Variants in LRP8 observed in about 807,000 individuals in gnomAD.
The protein encoded by LRP8 is LDL receptor related protein 8, also known as low-density lipoprotein receptor-related protein 8.
LRP8 carries 46 observed loss-of-function variants against 111.6 expected under a neutral mutation model. The observed-to-expected ratio is 0.41, with a 90% CI of 0.33 to 0.53. The LOEUF is 0.53. Among genes scored for constraint, LRP8 ranks in the 20% least tolerant of loss-of-function variants. The pLI is 0.20. For missense variants in LRP8, 959 were observed against 1,297.4 expected (o/e 0.74, Z 4.01); for synonymous variants, 464 against 511.2 (o/e 0.91, Z 1.24).
chr1:53,297,182 T>C (rs1248015837), intron 2 of LRP8, among the ~76,000 whole-genome samples: 2 of 152,166 alleles, frequency 1.3e-5, no homozygotes, highest in Non-Finnish European at 2.9e-5. Flanking sequence ...CTTCTGACAC[T>C]CTAGGGACCT....
At chr1:53,280,095 C>T (rs1021764912) in intron 4 of LRP8, among the ~76,000 whole-genome samples, 11 of 152,344 alleles carry the variant, frequency 7.2e-5, no homozygotes, top group East Asian at 5.8e-4. Context: ...ATTTCAGCAA[C>T]AGTCGTCCTT....
rs185224959 is a variant in LRP8, at chr1:53,294,609, G to A, written c.245-4920C>T. Among the ~76,000 whole-genome samples, 1 of 152,330 alleles carries A rather than the reference G, an allele frequency of 6.6e-6. No individual in the cohort carries two copies. Among genetic ancestry groups the A allele is most frequent in the Admixed American group, 6.5e-5 (1 of 15,302 alleles). The stretch of plus-strand genomic sequence containing the variant: ...AGAAGCAAAAAGGTGCAAGTTAGAG[G>A]TGTGTGAAGTCACAGCCCTGGCCCC... On this transcript the variant is annotated intron_variant, in intron 2 of 18. Coordinates refer to ENST00000306052, the MANE Select transcript of LRP8 (RefSeq NM_004631.5). The surrounding 1 kb of genome is among the most constrained non-coding windows in gnomAD (Gnocchi z 4.1).
chr1:53,325,004 A>G (rs1654961517), intron 2 of LRP8, among the ~76,000 whole-genome samples: 1 of 152,254 alleles, frequency 6.6e-6, no homozygotes, highest in Non-Finnish European at 1.5e-5. Context: ...TTTCACAGCC[A>G]TCCTCACAAG....
chr1:53,318,708 A>G (rs1489372064), intron 2 of LRP8, among the ~76,000 whole-genome samples: 1 of 152,204 alleles, frequency 6.6e-6, no homozygotes, highest in Non-Finnish European at 1.5e-5. Flanking sequence ...TAGCCCTTTA[A>G]AACAAGGATG....
chr1:53,252,299 GC>G (rs1182505524), intron 16 of LRP8, among the ~76,000 whole-genome samples: 1 of 152,140 alleles, frequency 6.6e-6, no homozygotes, highest in African/African-American at 2.4e-5. Flanking sequence ...GGAGGCTGAG[GC>G]AGGAGGATTG....
intron 6 of LRP8, chr1:53,272,695 C>T (rs955876830): frequency 2.3e-6 from 3 of 1,287,276 alleles, no homozygotes; most frequent in South Asian, 1.2e-5. Context: ...AGGGATGACT[C>T]AGCCAGGCCC....
intron 3 of LRP8, among the ~76,000 whole-genome samples, chr1:53,285,949 G>C (rs779132317): frequency 1.7e-4 from 26 of 152,162 alleles, no homozygotes; most frequent in Non-Finnish European, 2.9e-4. Context: ...GGCATTTAAA[G>C]GCATTTAAAT....
At chr1:53,324,368 G>T (rs1490734649) in intron 2 of LRP8, among the ~76,000 whole-genome samples, 1 of 152,152 alleles carries the variant, frequency 6.6e-6, no homozygotes, top group African/African-American at 2.4e-5. Context: ...CGTTTCTTCA[G>T]TTTCCCTTTA....
chr1:53,323,202 G>T (rs1288523), intron 2 of LRP8, among the ~76,000 whole-genome samples: 2 of 151,892 alleles, frequency 1.3e-5, no homozygotes, highest in Admixed American at 6.6e-5. Context: ...CTGGTCACCC[G>T]CATTCACACC....
chr1:53,250,932 C>T lies in LRP8; in HGVS notation c.2504-70G>A. ...CCACTGCTCAGACATCTGTACAAGG[C>T]TTGTCACCACTCCACTTTTACTACC... On this transcript the variant is annotated intron_variant, in intron 16 of 18. Coordinates refer to ENST00000306052, the MANE Select transcript of LRP8 (RefSeq NM_004631.5). This position sits in a 1 kb window ranked among gnomAD's most constrained non-coding sequence, Gnocchi z 4.6. 7.7e-7 allele frequency: 1 copy of T among 1,304,786 alleles called. No homozygotes were observed. The highest frequency in any genetic ancestry group is 1.5e-5 in the African/African-American group (1 of 68,754). 80.8% of individuals were successfully genotyped at this position (1,304,786 alleles called of 1,614,324 possible).
At chr1:53,324,706 G>A (rs968569209) in intron 2 of LRP8, among the ~76,000 whole-genome samples, 4 of 152,140 alleles carry the variant, frequency 2.6e-5, no homozygotes, top group African/African-American at 7.2e-5. Context: ...CCACCTGAGC[G>A]TCACTCAGCA....
intron 2 of LRP8, among the ~76,000 whole-genome samples, chr1:53,325,928 C>A (rs1655066334): frequency 6.6e-6 from 1 of 152,250 alleles, no homozygotes. Context: ...TACATTTCTT[C>A]CACCGTGACA....
chr1:53,323,379 C>G (rs867885747), intron 2 of LRP8, among the ~76,000 whole-genome samples: 2 of 152,368 alleles, frequency 1.3e-5, no homozygotes, highest in Admixed American at 6.5e-5. Flanking sequence ...AGTGCCCAGA[C>G]AGCGTTCATC....
intron 2 of LRP8, among the ~76,000 whole-genome samples, chr1:53,323,761 G>A (rs1654808221): frequency 6.6e-6 from 1 of 152,238 alleles, no homozygotes; most frequent in South Asian, 2.1e-4. Context: ...CCAACCCTGA[G>A]GAGCTCTGTG....
chr1:53,269,796 G>T (rs1211387829), intron 8 of LRP8, among the ~76,000 whole-genome samples: 3 of 152,106 alleles, frequency 2.0e-5, no homozygotes, highest in African/African-American at 4.8e-5. Context: ...TTTCTAGCCT[G>T]GCTCACCCAT....
chr1:53,299,313 T>C (rs1650358398), intron 2 of LRP8, among the ~76,000 whole-genome samples: 1 of 152,058 alleles, frequency 6.6e-6, no homozygotes, highest in Admixed American at 6.6e-5. Flanking sequence ...GCCCACCAGG[T>C]AGAGACTGCA....
In LRP8 at chr1:53,271,141, C is replaced by T. The variant is rs780901863; in HGVS notation, c.1139G>A (p.Cys380Tyr). ...DQKTCGDIDE[C>Y]KDPDACSQIC... is the part of the protein sequence containing the mutation. ...CTGGCTGCAGGCATCTGGGTCCTTGCACTCATCAATGTCTGTGGGGAGGAG... is the reference window on the plus strand; with the variant it reads ...CTGGCTGCAGGCATCTGGGTCCTTGTACTCATCAATGTCTGTGGGGAGGAG... Residue 380 changes from cysteine (C) to tyrosine (Y), a missense_variant, in exon 8 of 19, where the codon TGC (cysteine) becomes TAC (tyrosine). By Grantham distance (194) the Cys-to-Tyr change is radical. Around this residue, in one of 3 missense-constraint regions of LRP8, gnomAD observed 819 missense variants for 1,097.6 expected, o/e 0.75. Coordinates refer to ENST00000306052, the MANE Select transcript of LRP8 (RefSeq NM_004631.5). 1 of 1,614,012 alleles carries T rather than the reference C, an allele frequency of 6.2e-7. No homozygotes were observed. Among genetic ancestry groups the T allele is most frequent in the Non-Finnish European group, 8.5e-7 (1 of 1,180,016 alleles).
chr1:53,319,982 T>C (rs11206143), intron 2 of LRP8, among the ~76,000 whole-genome samples: 6,026 of 152,378 alleles, frequency 0.04, 362 homozygotes, highest in African/African-American at 0.13. Context: ...CAGACAGGCA[T>C]GGCCCAGTCC....
chr1:53,259,083 A>G (rs1400012591), intron 13 of LRP8, among the ~76,000 whole-genome samples: 1 of 152,144 alleles, frequency 6.6e-6, no homozygotes, highest in East Asian at 1.9e-4. Context: ...CATCTCTGCA[A>G]TTGTGAAGCC....
Sources: gnomAD v4.1 joint callset for allele counts (sites outside exome capture counted in the v4.1 genomes callset) on GRCh38, gnomAD v4.1.1 for gene constraint, gnomAD v4.1.1 regional missense constraint, Gnocchi (gnomAD v3.1) non-coding constraint, MANE v1.5 for transcripts, NCBI Gene and HGNC (gene_info 2026-07-23, HGNC 2026-07-21) for gene names.